Variants in SNX29 observed in about 807,000 individuals in gnomAD.
SNX29 encodes sorting nexin 29.
SNX29 carries 78 observed loss-of-function variants against 102.1 expected under a neutral mutation model. That is an observed-to-expected ratio of 0.76 (90% CI 0.64 to 0.92). The LOEUF (loss-of-function observed/expected upper bound fraction) is 0.92, where lower values mean the gene tolerates loss of function less well. Ranked by LOEUF, SNX29 falls within the 40% of genes least tolerant of loss-of-function variation. The probability of loss-of-function intolerance (pLI) is 0.00; values close to 1 mark genes in which losing one functional copy is unlikely to be tolerated. For synonymous variants in SNX29, 580 were observed against 414.5 expected, an observed-to-expected ratio of 1.40 and a Z score of -4.85; for missense variants, 1,280 against 1,061.7, an observed-to-expected ratio of 1.21 and a Z score of -2.86.
chr16:12,085,385 G>A (rs2052119858), intron 11 of SNX29, among the ~76,000 whole-genome samples: 1 of 152,222 alleles, frequency 6.6e-6, no homozygotes, highest in Admixed American at 6.5e-5. Flanking sequence ...GGAATGCACT[G>A]GTGTAATCTC....
chr16:12,253,452 A>G (rs2078479433), intron 14 of SNX29, among the ~76,000 whole-genome samples: 1 of 152,246 alleles, frequency 6.6e-6, no homozygotes, highest in African/African-American at 2.4e-5. Flanking sequence ...ATATGGAACA[A>G]AAGTCAAAAT....
intron 13 of SNX29, among the ~76,000 whole-genome samples, chr16:12,150,578 A>G (rs558588131): frequency 6.6e-6 from 1 of 152,336 alleles, no homozygotes; most frequent in African/African-American, 2.4e-5. Flanking sequence ...AGCTTTAACA[A>G]CCTGAGCCCT....
intron 13 of SNX29, among the ~76,000 whole-genome samples, chr16:12,139,191 TCTAAA>T (rs1356785539): frequency 4.6e-5 from 3 of 65,674 alleles, no homozygotes; most frequent in African/African-American, 2.6e-4. Context: ...AGAGCGAGAC[TCTAAA>T]AAAAAAAAAA....
intron 14 of SNX29, among the ~76,000 whole-genome samples, chr16:12,241,445 T>C (rs1027301149): frequency 3.9e-5 from 6 of 152,092 alleles, no homozygotes; most frequent in African/African-American, 1.4e-4. Context: ...GGTCTGTCTG[T>C]ATTTCTCTCC....
At position 12,052,166 on chromosome 16, in the gene SNX29, C is replaced by T. The variant is rs142820688; in HGVS notation, c.1068C>T (p.Asp356=). 9.2e-4 allele frequency: 1,482 copies of T among 1,613,856 alleles called. 13 individuals carry two copies. In the African/African-American group the frequency reaches 0.017, roughly 19 times the overall value. ...AAGATGTGGATGAAAACGAAGATGA[C>T]GTGTATGGAAACTCATCAGGAAGGA... ...DDEDVDENED[D]VYGNSSGRKH... The change falls in exon 8 of 21, where the codon GAC becomes GAT. Residue 356 remains aspartate, a synonymous_variant. Transcript: ENST00000566228.
rs2079158246 is a variant in SNX29, at chr16:12,570,237, A to AG, written c.*1609dup. On this transcript the variant is annotated 3_prime_UTR_variant, in exon 21 of 21. Transcript: ENST00000566228. Reference sequence around the variant, plus strand: ...GGGCCAGATAAGCCCTGCCCCGGTGAGACCAAATGAGCTGGAGCATGTATG... The same window carrying AG: ...GGGCCAGATAAGCCCTGCCCCGGTGAGGACCAAATGAGCTGGAGCATGTATG... 2.3e-5 allele frequency: 24 copies of AG among 1,065,180 alleles called. No homozygotes were observed. The highest frequency in any genetic ancestry group is 2.7e-5 in the Non-Finnish European group (24 of 879,290). The allele number at this position is 1,065,180 out of a possible 1,614,324, so 66.0% of individuals were successfully genotyped here. A position where few individuals can be genotyped will look rare whatever the true frequency, so the allele number is the denominator to read the frequency against.
chr16:12,074,665 G>A (rs1421139341), intron 10 of SNX29, among the ~76,000 whole-genome samples: 1 of 152,136 alleles, frequency 6.6e-6, no homozygotes, highest in Non-Finnish European at 1.5e-5. Context: ...TTCTCCAGGA[G>A]TATCTTTGTG....
chr16:12,418,334 G>A (rs2084728345), intron 18 of SNX29, among the ~76,000 whole-genome samples: 1 of 152,072 alleles, frequency 6.6e-6, no homozygotes. Context: ...ACACACATCA[G>A]ATGTAGGATG....
chr16:12,550,623 G>A (rs1441468780), intron 20 of SNX29, among the ~76,000 whole-genome samples: 1 of 151,682 alleles, frequency 6.6e-6, no homozygotes, highest in African/African-American at 2.4e-5. Flanking sequence ...TATACCTGTA[G>A]AAAGACACAT....
At chr16:12,536,273 G>T (rs1357085691) in intron 20 of SNX29, among the ~76,000 whole-genome samples, 1 of 151,476 alleles carries the variant, frequency 6.6e-6, no homozygotes, top group South Asian at 2.1e-4. Context: ...TGACAGAGTT[G>T]AGGATGTTTT....
intron 1 of SNX29, among the ~76,000 whole-genome samples, chr16:11,999,087 T>C (rs2056193311): frequency 6.6e-6 from 1 of 152,232 alleles, no homozygotes; most frequent in Admixed American, 6.5e-5. Context: ...TAGACCATTC[T>C]AGACATGTTC....
intron 20 of SNX29, among the ~76,000 whole-genome samples, chr16:12,541,463 T>G (rs1417837385): frequency 6.6e-6 from 1 of 152,148 alleles, no homozygotes; most frequent in Non-Finnish European, 1.5e-5. Context: ...GCTTAGTGCT[T>G]GATGGAGCCA....
intron 1 of SNX29, among the ~76,000 whole-genome samples, chr16:11,988,827 C>T (rs911812987): frequency 2.0e-5 from 3 of 152,110 alleles, no homozygotes; most frequent in Admixed American, 6.5e-5. Flanking sequence ...GGAACAAAGC[C>T]ATTTCTATTC....
At chr16:12,540,627 C>G (rs1488286135) in intron 20 of SNX29, among the ~76,000 whole-genome samples, 3 of 152,200 alleles carry the variant, frequency 2.0e-5, no homozygotes, top group African/African-American at 7.2e-5. Flanking sequence ...CCTAAAGAGT[C>G]CAGGATCATC....
chr16:12,433,011 G>A (rs2085377853), intron 18 of SNX29, among the ~76,000 whole-genome samples: 1 of 152,244 alleles, frequency 6.6e-6, no homozygotes, highest in Non-Finnish European at 1.5e-5. Context: ...GGTGGGTTCT[G>A]TGGCAGAGCC....
intron 18 of SNX29, among the ~76,000 whole-genome samples, chr16:12,460,322 T>G (rs2086725720): frequency 1.3e-5 from 2 of 152,246 alleles, no homozygotes; most frequent in African/African-American, 4.8e-5. Flanking sequence ...CAGAGTTGAG[T>G]GCCTTGCTTG....
chr16:12,572,606 C>G lies in SNX29; in HGVS notation c.*3977C>G. Reference sequence around the variant, plus strand: ...TCTGGGCTCCCAGTGAGCCCCCTCCCCTCCGGCTACCCCCAGAATCCATCC... The same window carrying G: ...TCTGGGCTCCCAGTGAGCCCCCTCCGCTCCGGCTACCCCCAGAATCCATCC... On this transcript the variant is annotated 3_prime_UTR_variant, in exon 21 of 21. Coordinates refer to ENST00000566228, the MANE Select transcript of SNX29 (RefSeq NM_032167.5). 1 of 1,064,000 alleles carries G rather than the reference C, an allele frequency of 9.4e-7. No individual in the cohort carries two copies. Among genetic ancestry groups the G allele is most frequent in the Non-Finnish European group, 1.1e-6 (1 of 878,430 alleles). 65.9% of individuals were successfully genotyped at this position (1,064,000 alleles called of 1,614,324 possible).
At position 12,431,634 on chromosome 16, in the gene SNX29, G is replaced by A. The variant is rs552316739; in HGVS notation, c.2037+28105G>A. 3.9e-5 allele frequency among the ~76,000 whole-genome samples: 6 copies of A among 152,148 alleles called. No individual in the cohort carries two copies. In the East Asian group the frequency reaches 7.8e-4, roughly 20 times the overall value. The stretch of plus-strand genomic sequence containing the variant: ...AAAGTGTCAGAAAATGGGTCCATCT[G>A]TGTTACGTAAAGTGTGAGTTTTCTC... On this transcript the variant is annotated intron_variant, in intron 18 of 20. Transcript: ENST00000566228.
At chr16:12,059,119 C>G (rs891836398) in intron 8 of SNX29, among the ~76,000 whole-genome samples, 1 of 152,188 alleles carries the variant, frequency 6.6e-6, no homozygotes, top group East Asian at 1.9e-4. Context: ...GGGCTCACTT[C>G]TCGGGTTTGG....
Sources: allele counts gnomAD v4.1 joint callset (sites outside exome capture counted in the v4.1 genomes callset), GRCh38; gene constraint gnomAD v4.1.1; transcripts MANE v1.5; gene names NCBI Gene and HGNC (gene_info 2026-07-23, HGNC 2026-07-21).